Variants in SLA2 observed in about 807,000 individuals in gnomAD.
The protein encoded by SLA2 is src-like-adapter 2.
A neutral mutation model predicts 27.3 loss-of-function variants in SLA2; 22 were observed. The observed-to-expected ratio is 0.81, with a 90% CI of 0.58 to 1.15. The LOEUF is 1.15. Ranked by LOEUF, SLA2 falls within the 50% of genes most tolerant of loss-of-function variation. SLA2 has a pLI of 0.00. For missense variants in SLA2, 304 were observed against 322.2 expected, an observed-to-expected ratio of 0.94 and a Z score of 0.43; for synonymous variants, 131 against 137.8, an observed-to-expected ratio of 0.95 and a Z score of 0.34.
At chr20:36,621,165 A>C in intron 5 of SLA2, 1 of 445,856 alleles carries the variant, frequency 2.2e-6, no homozygotes, top group Non-Finnish European at 4.4e-6. Context: ...GTGGTGGAGC[A>C]AGATATGAAA....
intron 5 of SLA2, among the ~76,000 whole-genome samples, chr20:36,626,058 A>C (rs1600823245): frequency 6.6e-6 from 1 of 152,034 alleles, no homozygotes; most frequent in East Asian, 1.9e-4. Context: ...TGAGGTCAGG[A>C]GTTCAAGACC....
chr20:36,613,985 A>C lies in SLA2; in HGVS notation c.667T>G (p.Ser223Ala), dbSNP rs1330802896. Residue 223 changes from serine to alanine, a missense_variant and splice_region_variant, in exon 8 of 8, where the codon TCC becomes GCC. By Grantham distance (99) the Ser-to-Ala change is moderately conservative. Coordinates refer to ENST00000262866, the MANE Select transcript of SLA2 (RefSeq NM_032214.4). ...GTGGCAGCTTCAGAAAACAGGAGGG[A>C]GCTGTGGACAAAGGAAGATAATTGG... is the stretch of plus-strand genomic sequence containing the variant. ...TPLNWKELDS[S>A]LLFSEAATGE... is the part of the protein sequence containing the mutation. The C allele has an allele frequency of 1.2e-6, 2 of 1,613,692 alleles. No individual in the cohort carries two copies. Among genetic ancestry groups the C allele is most frequent in the African/African-American group, 2.7e-5 (2 of 74,846 alleles).
rs774345213 is a variant in SLA2 at position 36,633,647 on chromosome 20, TG to T, written c.192-19del. The T allele has an allele frequency of 6.2e-7, 1 of 1,605,000 alleles. No homozygotes were observed. Among genetic ancestry groups the T allele is most frequent in the Non-Finnish European group, 8.5e-7 (1 of 1,172,336 alleles). ...CTCCATCCCTGGAGAGAGAAAGGAG[TG>T]GGGGCACCTCTTTCAGATGAGCCAA... On this transcript the variant is annotated intron_variant, in intron 3 of 7. Coordinates refer to ENST00000262866, the MANE Select transcript of SLA2 (RefSeq NM_032214.4).
At chr20:36,614,716 A>G (rs930676635) in intron 6 of SLA2, 29 of 985,424 alleles carry the variant, frequency 2.9e-5, no homozygotes, top group Non-Finnish European at 3.5e-5. Context: ...GAAGAAAGCT[A>G]AGGAATGCTC....
At chr20:36,617,853 C>T (rs2039232741) in intron 5 of SLA2, among the ~76,000 whole-genome samples, 1 of 147,162 alleles carries the variant, frequency 6.8e-6, no homozygotes, top group Non-Finnish European at 1.5e-5. Context: ...GAGACTCCGT[C>T]TCAAAAAAAT....
chr20:36,638,040 C>T (rs2039470416), intron 2 of SLA2, among the ~76,000 whole-genome samples: 1 of 151,626 alleles, frequency 6.6e-6, no homozygotes. Context: ...TACAGGCACC[C>T]ACCACCACGC....
At chr20:36,640,939 G>A (rs1191193204) in intron 2 of SLA2, among the ~76,000 whole-genome samples, 1 of 152,198 alleles carries the variant, frequency 6.6e-6, no homozygotes, top group Non-Finnish European at 1.5e-5. Context: ...ACAACTGGTT[G>A]AGAAGGAGGG....
chr20:36,622,744 C>G (rs147717591), intron 5 of SLA2, among the ~76,000 whole-genome samples: 142 of 152,282 alleles, frequency 9.3e-4, no homozygotes, highest in African/African-American at 3.4e-3. Flanking sequence ...CTGTCTCTAA[C>G]TCTCACCCTC....
intron 5 of SLA2, among the ~76,000 whole-genome samples, chr20:36,632,016 C>G (rs1363279103): frequency 6.6e-6 from 1 of 152,088 alleles, no homozygotes; most frequent in Non-Finnish European, 1.5e-5. Flanking sequence ...AAACTGACCC[C>G]CCATCTCCTC....
intron 4 of SLA2, 30 bp from the exon 5 acceptor site, chr20:36,632,728 C>T (rs2039405197): frequency 6.3e-7 from 1 of 1,587,780 alleles, no homozygotes; most frequent in Non-Finnish European, 8.6e-7. Context: ...GGACAAGGGA[C>T]AGGGTCAGCC....
intron 1 of SLA2, among the ~76,000 whole-genome samples, chr20:36,642,018 G>T (rs898403355): frequency 6.8e-6 from 1 of 147,892 alleles, no homozygotes; most frequent in Non-Finnish European, 1.5e-5. Flanking sequence ...ACAAAGATTA[G>T]CTGGGCGTGG....
Position 36,612,710 on chromosome 20 carries a change from C to A in SLA2, c.*1156G>T. 1 of 209,422 alleles carries A rather than the reference C, an allele frequency of 4.8e-6. No individual in the cohort carries two copies. The allele number at this position is 209,422 out of a possible 1,614,324, so 13.0% of individuals were successfully genotyped here. On this transcript the variant is annotated 3_prime_UTR_variant, in exon 8 of 8. Coordinates refer to ENST00000262866, the MANE Select transcript of SLA2 (RefSeq NM_032214.4). ...GCAGACCTCTTTCTGTTTATGGAGG[C>A]AGCAGGGAAATCAAGGGCTGGATTT...
intron 1 of SLA2, among the ~76,000 whole-genome samples, chr20:36,645,409 C>T (rs189690078): frequency 6.6e-6 from 1 of 152,174 alleles, no homozygotes; most frequent in Non-Finnish European, 1.5e-5. Context: ...GGAGACCTCT[C>T]CCTCTCTTCC....
intron 2 of SLA2, among the ~76,000 whole-genome samples, chr20:36,640,892 T>A (rs904135991): frequency 3.3e-5 from 5 of 152,062 alleles, no homozygotes; most frequent in African/African-American, 1.2e-4. Context: ...CTCTGGGGGC[T>A]GGGGAGGTGG....
intron 2 of SLA2, 88 bp from the exon 3 acceptor site, chr20:36,634,677 C>T (rs2039426801): frequency 6.6e-6 from 5 of 757,376 alleles, no homozygotes; most frequent in Non-Finnish European, 1.0e-5. Flanking sequence ...GTCTGGCTCC[C>T]AGCATCAGCC....
chr20:36,619,183 T>C (rs1413376904), intron 5 of SLA2, among the ~76,000 whole-genome samples: 2 of 131,120 alleles, frequency 1.5e-5, no homozygotes, highest in Admixed American at 1.8e-4. Context: ...ATCACGCCAC[T>C]GCACTCCAGC....
At chr20:36,635,271 T>C (rs1400735800) in intron 2 of SLA2, among the ~76,000 whole-genome samples, 1 of 151,680 alleles carries the variant, frequency 6.6e-6, no homozygotes, top group Non-Finnish European at 1.5e-5. Context: ...CCCTCCCTTC[T>C]TCCCCCTTGT....
Position 36,612,354 on chromosome 20 carries a change from T to C in SLA2, c.*1512A>G, listed in dbSNP as rs2039145503. 1.2e-6 allele frequency: 1 copy of C among 804,178 alleles called. No homozygotes were observed. Among genetic ancestry groups the C allele is most frequent in the Admixed American group, 2.2e-5 (1 of 44,686 alleles). 49.8% of individuals were successfully genotyped at this position (804,178 alleles called of 1,614,324 possible). On this transcript the variant is annotated 3_prime_UTR_variant, in exon 8 of 8. Coordinates refer to ENST00000262866, the MANE Select transcript of SLA2 (RefSeq NM_032214.4). ...GAGCTGTCATTTAATTTGATGCACC[T>C]CTGGATTCAGATGAAACATTAAATT...
At chr20:36,617,074 G>A (rs1031659271) in intron 5 of SLA2, among the ~76,000 whole-genome samples, 7 of 151,240 alleles carry the variant, frequency 4.6e-5, no homozygotes, top group South Asian at 4.2e-4. Flanking sequence ...ACCCAAGGCC[G>A]GGGACGGGTG....
Sources: allele counts gnomAD v4.1 joint callset (sites outside exome capture counted in the v4.1 genomes callset), GRCh38; gene constraint gnomAD v4.1.1; transcripts MANE v1.5; gene names NCBI Gene and HGNC (gene_info 2026-07-23, HGNC 2026-07-21).